The following RBM20 variants were observed in gnomAD, a reference collection of about 807,000 sequenced individuals.
RBM20 encodes RNA-binding protein 20.
In RBM20, 51 loss-of-function variants were observed where a neutral mutation model predicts 110.1. That is an observed-to-expected ratio of 0.46 (90% CI 0.37 to 0.59). RBM20 has a LOEUF of 0.59. Ranked by LOEUF, RBM20 falls within the 20% of genes least tolerant of loss-of-function variation. The pLI is 0.00. For missense variants in RBM20, 1,512 were observed against 1,574.9 expected (o/e 0.96, Z 0.68); for synonymous variants, 589 against 618.2 (o/e 0.95, Z 0.70).
intron 1 of RBM20, among the ~76,000 whole-genome samples, chr10:110,692,882 A>ATGTTAGCT (rs56682080): frequency 0.17 from 26,534 of 151,992 alleles, 2,532 homozygotes; most frequent in East Asian, 0.31. Flanking sequence ...ATTGAGTATG[A>ATGTTAGCT]TGTTAGCTGT....
chr10:110,693,911 T>A (rs1473052807), intron 1 of RBM20, among the ~76,000 whole-genome samples: 1 of 152,254 alleles, frequency 6.6e-6, no homozygotes, highest in Non-Finnish European at 1.5e-5. Context: ...AACTGACTGC[T>A]TTTATATGGT....
chr10:110,657,866 G>A (rs1862047225), intron 1 of RBM20, among the ~76,000 whole-genome samples: 1 of 152,128 alleles, frequency 6.6e-6, no homozygotes, highest in African/African-American at 2.4e-5. Flanking sequence ...AACCTTTTAG[G>A]ATCACAAATA....
At chr10:110,789,170 G>A (rs1387261244) in intron 5 of RBM20, among the ~76,000 whole-genome samples, 2 of 152,206 alleles carry the variant, frequency 1.3e-5, no homozygotes, top group Admixed American at 6.5e-5. Flanking sequence ...TCTGTGGAGC[G>A]AAGAGCAGTT....
At chr10:110,696,168 G>T (rs1862660599) in intron 1 of RBM20, among the ~76,000 whole-genome samples, 1 of 152,216 alleles carries the variant, frequency 6.6e-6, no homozygotes, top group Non-Finnish European at 1.5e-5. Context: ...GGCCAGGGAA[G>T]TGATTTAAGA....
At chr10:110,719,562 T>C (rs1379371135) in intron 1 of RBM20, among the ~76,000 whole-genome samples, 1 of 152,252 alleles carries the variant, frequency 6.6e-6, no homozygotes, top group Non-Finnish European at 1.5e-5. Flanking sequence ...TGTATAGTTT[T>C]AGGTTTTGTT....
rs1844400681 is a variant in RBM20 at position 110,784,851 on chromosome 10, T to G, written c.1489T>G (p.Ser497Ala). 4 of 1,550,962 alleles carry G rather than the reference T, an allele frequency of 2.6e-6. No homozygotes were observed. The East Asian group carries it at 9.8e-5, about 38-fold the overall frequency. Residue 497 changes from serine (S) to alanine (A), a missense_variant, in exon 5 of 14, where the codon TCA becomes GCA. Ser to Ala is a moderately conservative substitution (Grantham distance 99). Coordinates refer to ENST00000369519, the MANE Select transcript of RBM20 (RefSeq NM_001134363.3). ...CATTCCAGCAAGGTCATTCACTCAG[T>G]CAAGCCCCACATTTCCTTTGGCTTC... ...VPIPARSFTQ[S>A]SPTFPLASVG...
intron 7 of RBM20, among the ~76,000 whole-genome samples, chr10:110,800,898 A>G (rs1292589360): frequency 2.0e-5 from 3 of 152,164 alleles, no homozygotes; most frequent in Non-Finnish European, 4.4e-5. Flanking sequence ...GTATGGCTAT[A>G]CAGTTTATCC....
rs150553759 is a variant in RBM20 at position 110,769,631 on chromosome 10, T to C, written c.192-11170T>C. Among the ~76,000 whole-genome samples the C allele has an allele frequency of 1.9e-3, 291 of 152,294 alleles. 1 individual carries two copies. Among genetic ancestry groups the C allele is most frequent in the African/African-American group, 6.8e-3 (281 of 41,562 alleles). ...ATTTTTACATTGTCTGAAACCCCCA[T>C]GGAAGAGGAAGCCCATTCTTGGTGT... On this transcript the variant is annotated intron_variant, in intron 1 of 13. Transcript: ENST00000369519.
chr10:110,714,609 G>T (rs918979909), intron 1 of RBM20, among the ~76,000 whole-genome samples: 1 of 152,258 alleles, frequency 6.6e-6, no homozygotes, highest in African/African-American at 2.4e-5. Context: ...AGGAGCTGCT[G>T]CCCCAAGAGA....
chr10:110,662,389 A>C (rs1186859178), intron 1 of RBM20, among the ~76,000 whole-genome samples: 2 of 152,242 alleles, frequency 1.3e-5, no homozygotes, highest in Non-Finnish European at 2.9e-5. Context: ...TGGGTCAGGC[A>C]GTTCCTTGAG....
rs577907960 is a variant in RBM20, at chr10:110,766,313, G to C, written c.192-14488G>C. On this transcript the variant is annotated intron_variant, in intron 1 of 13. Coordinates refer to ENST00000369519, the MANE Select transcript of RBM20 (RefSeq NM_001134363.3). ...TTTAGCTCTACTCTGCAGTAACTTT[G>C]TTTTTTTTTTTGTTTTTTGTTTTTT... Among the ~76,000 whole-genome samples, 589 of 120,612 alleles carry C rather than the reference G, an allele frequency of 4.9e-3. 5 individuals are homozygous for C. The highest frequency in any genetic ancestry group is 0.017 in the African/African-American group (560 of 33,030). 79.1% of individuals were successfully genotyped at this position (120,612 alleles called of 152,430 possible).
chr10:110,696,832 T>C (rs902087184), intron 1 of RBM20, among the ~76,000 whole-genome samples: 3 of 152,172 alleles, frequency 2.0e-5, no homozygotes, highest in Non-Finnish European at 4.4e-5. Context: ...TTACTAGATA[T>C]AGTAAAGTCT....
intron 1 of RBM20, among the ~76,000 whole-genome samples, chr10:110,679,383 C>T (rs1047835469): frequency 6.6e-6 from 1 of 151,990 alleles, no homozygotes; most frequent in African/African-American, 2.4e-5. Context: ...GCCACCATGC[C>T]CAGCTAATTT....
chr10:110,762,321 G>T (rs1283685631), intron 1 of RBM20, among the ~76,000 whole-genome samples: 3 of 152,172 alleles, frequency 2.0e-5, no homozygotes, highest in African/African-American at 7.2e-5. Flanking sequence ...CTCCTTCCTT[G>T]CCTGGCACAG....
In RBM20 at chr10:110,761,656, G is replaced by A. The variant is rs567378323; in HGVS notation, c.192-19145G>A. Among the ~76,000 whole-genome samples the A allele has an allele frequency of 1.6e-4, 25 of 152,328 alleles. No individual in the cohort carries two copies. In the South Asian group the frequency reaches 5.2e-3, roughly 32 times the overall value. On this transcript the variant is annotated intron_variant, in intron 1 of 13. Coordinates refer to ENST00000369519, the MANE Select transcript of RBM20 (RefSeq NM_001134363.3). ...CCCTGACTTTGTCCCCACACGTGGG[G>A]TGTATACCACTGCCAGTTGCCTCCT...
chr10:110,707,115 G>C (rs1019952832), intron 1 of RBM20, among the ~76,000 whole-genome samples: 1 of 152,140 alleles, frequency 6.6e-6, no homozygotes, highest in Non-Finnish European at 1.5e-5. Flanking sequence ...AAGTGATAAG[G>C]CTTTCTTTTC....
At chr10:110,706,937 G>A (rs778378946) in intron 1 of RBM20, among the ~76,000 whole-genome samples, 1 of 152,130 alleles carries the variant, frequency 6.6e-6, no homozygotes, top group Non-Finnish European at 1.5e-5. Context: ...AAAAGATCAA[G>A]CTATTCTTAT....
intron 1 of RBM20, among the ~76,000 whole-genome samples, chr10:110,773,450 TC>T (rs796801338): frequency 9.2e-5 from 14 of 152,332 alleles, no homozygotes; most frequent in African/African-American, 3.4e-4. Flanking sequence ...GGCACTGAAT[TC>T]ATAAGTGTTT....
At chr10:110,729,501 A>G (rs1488125176) in intron 1 of RBM20, among the ~76,000 whole-genome samples, 1 of 152,186 alleles carries the variant, frequency 6.6e-6, no homozygotes, top group African/African-American at 2.4e-5. Flanking sequence ...ATTATTTGAC[A>G]GTTTGATTAA....
Sources: gnomAD v4.1 joint callset for allele counts (sites outside exome capture counted in the v4.1 genomes callset) on GRCh38, gnomAD v4.1.1 for gene constraint, MANE v1.5 for transcripts, NCBI Gene and HGNC (gene_info 2026-07-23, HGNC 2026-07-21) for gene names.